The following NBAS variants were observed in gnomAD, a reference collection of about 807,000 sequenced individuals.
NBAS encodes the protein NBAS subunit of NRZ tethering complex.
Under a neutral mutation model 302.5 loss-of-function variants are expected in NBAS, and 219 were observed. The observed-to-expected ratio is 0.72, with a 90% CI of 0.65 to 0.81. NBAS has a LOEUF of 0.81. Among genes scored for constraint, NBAS ranks in the 30% least tolerant of loss-of-function variants. NBAS has a pLI of 0.00. For synonymous variants in NBAS, 1,118 were observed against 1,021.6 expected (o/e 1.09, Z -1.80); for missense variants, 2,932 against 2,841.6 (o/e 1.03, Z -0.72).
At chr2:15,144,048 A>T in the NBAS span, among the ~76,000 whole-genome samples, 49,959 of 107,878 alleles carry the variant, frequency 0.46, 13,700 homozygotes, top group African/African-American at 0.74. Flanking sequence ...TATATATAAA[A>T]ATATATATAT....
intron 44 of NBAS, among the ~76,000 whole-genome samples, chr2:15,245,218 G>C (rs1422436653): frequency 6.6e-6 from 1 of 151,994 alleles, no homozygotes; most frequent in Non-Finnish European, 1.5e-5. Context: ...GGCCCCATGC[G>C]ATCTGCTCTT....
chr2:14,967,515 G>A, the NBAS span, among the ~76,000 whole-genome samples: 847 of 152,160 alleles, frequency 5.6e-3, 23 homozygotes, highest in Middle Eastern at 6.8e-3. Flanking sequence ...TATTGACAAA[G>A]GTACAAGAGC....
intron 25 of NBAS, among the ~76,000 whole-genome samples, chr2:15,411,914 TC>T (rs1169317723): frequency 6.6e-6 from 1 of 152,136 alleles, no homozygotes; most frequent in Non-Finnish European, 1.5e-5. Context: ...GAAGCTTTTG[TC>T]CCCCAGTTAC....
the NBAS span, among the ~76,000 whole-genome samples, chr2:14,806,800 G>C: frequency 6.6e-6 from 1 of 152,176 alleles, no homozygotes; most frequent in East Asian, 1.9e-4. Context: ...AAATAACCAA[G>C]GATTATCTCA....
At chr2:15,195,847 C>T (rs1665594774) in intron 48 of NBAS, among the ~76,000 whole-genome samples, 1 of 152,144 alleles carries the variant, frequency 6.6e-6, no homozygotes, top group African/African-American at 2.4e-5. Flanking sequence ...AAAAGAATGG[C>T]TCAAGTGAGC....
chr2:15,368,302 C>T (rs1259335677), intron 31 of NBAS, among the ~76,000 whole-genome samples: 5 of 148,474 alleles, frequency 3.4e-5, no homozygotes, highest in East Asian at 2.0e-4. Context: ...CAGGTTCAAG[C>T]GATTCTTCTG....
At chr2:14,779,802 G>C in the NBAS span, among the ~76,000 whole-genome samples, 1 of 152,176 alleles carries the variant, frequency 6.6e-6, no homozygotes, top group Admixed American at 6.5e-5. Context: ...TTTGTTCACT[G>C]CTATACCCCA....
chr2:15,177,428 T>C (rs146069334), intron 51 of NBAS, among the ~76,000 whole-genome samples: 96 of 152,306 alleles, frequency 6.3e-4, no homozygotes, highest in East Asian at 3.5e-3. Context: ...CCTGTGCTAG[T>C]TGCAGTTCTG....
the NBAS span, among the ~76,000 whole-genome samples, chr2:15,049,396 G>A: frequency 6.6e-6 from 1 of 152,136 alleles, no homozygotes; most frequent in Non-Finnish European, 1.5e-5. Flanking sequence ...CTGGGCTTGT[G>A]CCCACCTCCT....
At chr2:15,480,211 C>T (rs572105045) in intron 12 of NBAS, among the ~76,000 whole-genome samples, 2 of 152,164 alleles carry the variant, frequency 1.3e-5, no homozygotes, top group African/African-American at 4.8e-5. Flanking sequence ...CACAGTGGCA[C>T]ACTTCTGTAG....
intron 29 of NBAS, among the ~76,000 whole-genome samples, chr2:15,381,987 A>G (rs1193537303): frequency 6.6e-6 from 1 of 152,132 alleles, no homozygotes; most frequent in Non-Finnish European, 1.5e-5. Context: ...GACACAAGAA[A>G]TACTCTTTAT....
At chr2:14,894,172 C>G in the NBAS span, among the ~76,000 whole-genome samples, 10 of 152,092 alleles carry the variant, frequency 6.6e-5, no homozygotes, top group Non-Finnish European at 1.5e-4. Context: ...TTCATACATA[C>G]CTTCTCAGAA....
chr2:14,891,474 C>T, the NBAS span, among the ~76,000 whole-genome samples: 13 of 152,218 alleles, frequency 8.5e-5, no homozygotes, highest in Non-Finnish European at 1.8e-4. Context: ...AAATGGATCA[C>T]GTCAGTTCAT....
the NBAS span, among the ~76,000 whole-genome samples, chr2:15,067,880 T>C: frequency 5.9e-5 from 9 of 152,054 alleles, no homozygotes; most frequent in African/African-American, 2.2e-4. Context: ...TGAAGAAAGA[T>C]AAAACATTCT....
At chr2:15,527,527 G>A (rs1662967978) in intron 9 of NBAS, among the ~76,000 whole-genome samples, 1 of 152,148 alleles carries the variant, frequency 6.6e-6, no homozygotes, top group Non-Finnish European at 1.5e-5. Context: ...CTGCCAGAGG[G>A]GAGGAACACT....
At chr2:15,284,123 A>G (rs1048486619) in intron 42 of NBAS, among the ~76,000 whole-genome samples, 5 of 152,072 alleles carry the variant, frequency 3.3e-5, no homozygotes, top group Non-Finnish European at 5.9e-5. Context: ...AACTAGCAAG[A>G]CATTAAAACA....
chr2:15,297,741 T>A (rs188106053), intron 40 of NBAS, among the ~76,000 whole-genome samples: 19 of 152,326 alleles, frequency 1.2e-4, no homozygotes, highest in Non-Finnish European at 2.4e-4. Flanking sequence ...ACACTTGCCA[T>A]TAGAGTCCTT....
At chr2:15,000,038 C>A in the NBAS span, among the ~76,000 whole-genome samples, 2 of 152,192 alleles carry the variant, frequency 1.3e-5, no homozygotes, top group Admixed American at 1.3e-4. Context: ...AGTTCATATA[C>A]AACTTGCTTG....
At chr2:14,927,447 T>G in the NBAS span, among the ~76,000 whole-genome samples, 1 of 152,238 alleles carries the variant, frequency 6.6e-6, no homozygotes, top group Non-Finnish European at 1.5e-5. Flanking sequence ...TAACACATTT[T>G]CTTTGTCCAT....
Sources: allele counts gnomAD v4.1 joint callset (sites outside exome capture counted in the v4.1 genomes callset), GRCh38; gene constraint gnomAD v4.1.1; transcripts MANE v1.5; gene names NCBI Gene and HGNC (gene_info 2026-07-23, HGNC 2026-07-21).